Variants in DFFB observed in about 807,000 individuals in gnomAD.
DFFB encodes DNA fragmentation factor 40 kDa subunit.
In DFFB, 29 loss-of-function variants were observed where a neutral mutation model predicts 32.7. The observed-to-expected ratio is 0.89, with a 90% CI of 0.66 to 1.21. DFFB has a LOEUF of 1.21. Among genes scored for constraint, DFFB ranks in the 50% most tolerant of loss-of-function variants. The probability of loss-of-function intolerance (pLI) is 0.00; values close to 1 mark genes in which losing one functional copy is unlikely to be tolerated. For synonymous variants in DFFB, 170 were observed against 177.1 expected, an observed-to-expected ratio of 0.96 and a Z score of 0.32; for missense variants, 398 against 440.6, an observed-to-expected ratio of 0.90 and a Z score of 0.87.
At chr1:3,870,692 C>T (rs906793769) in intron 5 of DFFB, among the ~76,000 whole-genome samples, 3 of 152,058 alleles carry the variant, frequency 2.0e-5, no homozygotes, top group Non-Finnish European at 2.9e-5. Flanking sequence ...CTGCAGGAGC[C>T]GCAGCCAGCA....
rs554341311 is a variant in DFFB at position 3,874,405 on chromosome 1, G to A, written c.782+1833G>A. On this transcript the variant is annotated intron_variant, in intron 6 of 6. Transcript: ENST00000378209. The stretch of plus-strand genomic sequence containing the variant: ...GCGTGTGGGTTTAACATGCACATAC[G>A]TGGCCTCCCACGCTGTGGTCTGCAG... Among the ~76,000 whole-genome samples the A allele has an allele frequency of 1.2e-3, 39 of 31,314 alleles. 1 individual carries two copies. Among genetic ancestry groups the A allele is most frequent in the African/African-American group, 5.1e-3 (39 of 7,616 alleles). 20.5% of individuals were successfully genotyped at this position (31,314 alleles called of 152,430 possible).
rs189933788 is a variant in DFFB, at chr1:3,862,681, A to T, written c.242-3131A>T. ...AAGTTGGACTCTTAGCTGGTACCTTATACAAAAAGTACAATAAATGAAAGA... is the reference window on the plus strand; with the variant it reads ...AAGTTGGACTCTTAGCTGGTACCTTTTACAAAAAGTACAATAAATGAAAGA... On this transcript the variant is annotated intron_variant, in intron 2 of 6. Transcript: ENST00000378209. Among the ~76,000 whole-genome samples, 3 of 152,336 alleles carry T rather than the reference A, an allele frequency of 2.0e-5. No homozygotes were observed. In the East Asian group the frequency reaches 5.8e-4, roughly 29 times the overall value.
chr1:3,881,230 A>G (rs1244306157), intron 6 of DFFB, among the ~76,000 whole-genome samples: 1 of 152,226 alleles, frequency 6.6e-6, no homozygotes, highest in East Asian at 1.9e-4. Flanking sequence ...ACCCTCCATC[A>G]GACACAGCCC....
chr1:3,869,145 T>C (rs927799353), intron 4 of DFFB, among the ~76,000 whole-genome samples: 1 of 152,212 alleles, frequency 6.6e-6, no homozygotes, highest in African/African-American at 2.4e-5. Flanking sequence ...CTGCAACCTC[T>C]GCCTTCCAGG....
At chr1:3,875,609 C>CAT (rs1227056521) in intron 6 of DFFB, among the ~76,000 whole-genome samples, 1 of 152,190 alleles carries the variant, frequency 6.6e-6, no homozygotes, top group Non-Finnish European at 1.5e-5. Flanking sequence ...CTCTAATTTT[C>CAT]ATTTTCCTGA....
At chr1:3,873,028 T>C (rs1413138803) in intron 6 of DFFB, 2 of 1,251,806 alleles carry the variant, frequency 1.6e-6, no homozygotes, top group Non-Finnish European at 2.1e-6. Context: ...GGAGTCTTGC[T>C]CTGTGGCCCA....
chr1:3,869,592 T>G lies in DFFB; in HGVS notation c.511-13T>G. 6.3e-7 allele frequency: 1 copy of G among 1,597,976 alleles called. No individual in the cohort carries two copies. The highest frequency in any genetic ancestry group is 8.5e-7 in the Non-Finnish European group (1 of 1,170,988). On this transcript the variant is annotated splice_polypyrimidine_tract_variant and intron_variant, in intron 4 of 6. Coordinates refer to ENST00000378209, the MANE Select transcript of DFFB (RefSeq NM_004402.4). ...TGTGCACCAGGCTCACCGACGTTCC[T>G]TGGTTCCTCCAGGTGAGCTCCTACC... is the stretch of plus-strand genomic sequence containing the variant.
intron 2 of DFFB, among the ~76,000 whole-genome samples, chr1:3,862,670 G>C (rs1644900679): frequency 6.6e-6 from 1 of 152,174 alleles, no homozygotes; most frequent in Admixed American, 6.5e-5. Flanking sequence ...TGGACTCTTA[G>C]CTGGTACCTT....
chr1:3,872,925 G>A (rs746613601), intron 6 of DFFB: 14 of 1,215,250 alleles, frequency 1.2e-5, no homozygotes, highest in Non-Finnish European at 1.5e-5. Flanking sequence ...CTGAACCTCT[G>A]TGAGTTTGAA....
In DFFB at chr1:3,864,099, T is replaced by C. The variant is rs542200835; in HGVS notation, c.242-1713T>C. Among the ~76,000 whole-genome samples, 4 of 152,192 alleles carry C rather than the reference T, an allele frequency of 2.6e-5. No homozygotes were observed. In the South Asian group the frequency reaches 8.3e-4, roughly 32 times the overall value. ...CTCTTGCCTCAGCCTCCCGAGTAGC[T>C]GGGGTTACAGGCATGCACCACTGCG... On this transcript the variant is annotated intron_variant, in intron 2 of 6. Transcript: ENST00000378209.
intron 6 of DFFB, among the ~76,000 whole-genome samples, chr1:3,874,205 A>G: frequency 6.8e-6 from 1 of 147,536 alleles, no homozygotes; most frequent in African/African-American, 2.6e-5. Context: ...AGAGCCGTGT[A>G]GCTACACCTT....
intron 5 of DFFB, among the ~76,000 whole-genome samples, chr1:3,872,069 T>A (rs1645124288): frequency 6.6e-6 from 1 of 152,172 alleles, no homozygotes; most frequent in Non-Finnish European, 1.5e-5. Flanking sequence ...ACATGAGCTC[T>A]GGGTGGGGCT....
At chr1:3,862,858 A>G (rs540641899) in intron 2 of DFFB, among the ~76,000 whole-genome samples, 30 of 152,334 alleles carry the variant, frequency 2.0e-4, no homozygotes, top group African/African-American at 7.0e-4. Flanking sequence ...CATCAACATT[A>G]AGAACTCTGG....
At chr1:3,880,142 G>T (rs1645306658) in intron 6 of DFFB, among the ~76,000 whole-genome samples, 1 of 152,150 alleles carries the variant, frequency 6.6e-6, no homozygotes, top group Non-Finnish European at 1.5e-5. Flanking sequence ...GTGGAGGTTG[G>T]CCCCATGGGC....
intron 5 of DFFB, among the ~76,000 whole-genome samples, chr1:3,871,548 A>G (rs1645112588): frequency 6.6e-6 from 1 of 152,138 alleles, no homozygotes. Flanking sequence ...TGGCCTCCCA[A>G]AATGCTGGGA....
chr1:3,867,669 A>C, intron 3 of DFFB: 1 of 314,962 alleles, frequency 3.2e-6, no homozygotes, highest in Non-Finnish European at 6.1e-6. Context: ...CCTAGGTAAC[A>C]AAGTGAGACC....
chr1:3,875,005 C>T (rs946091777), intron 6 of DFFB, among the ~76,000 whole-genome samples: 41 of 151,978 alleles, frequency 2.7e-4, no homozygotes, highest in East Asian at 2.5e-3. Context: ...TTACCACACG[C>T]GTGTGGGTTT....
At chr1:3,858,591 G>A in intron 1 of DFFB, 127 bp from the exon 2 acceptor site, 2 of 1,199,228 alleles carry the variant, frequency 1.7e-6, no homozygotes, top group Non-Finnish European at 1.2e-6. Flanking sequence ...AGCGACTGTG[G>A]CATACAGGCG....
At chr1:3,881,621 A>G (rs1050217877) in intron 6 of DFFB, among the ~76,000 whole-genome samples, 10 of 149,242 alleles carry the variant, frequency 6.7e-5, no homozygotes, top group African/African-American at 2.6e-4. Flanking sequence ...TCATGCCTAT[A>G]ATCTCAGCAC....
Sources: allele counts gnomAD v4.1 joint callset (sites outside exome capture counted in the v4.1 genomes callset), GRCh38; gene constraint gnomAD v4.1.1; transcripts MANE v1.5; gene names NCBI Gene and HGNC (gene_info 2026-07-23, HGNC 2026-07-21).